The following MSI2 variants were observed in gnomAD, a reference collection of about 807,000 sequenced individuals.
MSI2 encodes the protein RNA-binding protein Musashi homolog 2.
MSI2 carries 17 observed loss-of-function variants against 45.6 expected under a neutral mutation model. That is an observed-to-expected ratio of 0.37 (90% confidence interval 0.26 to 0.56). The LOEUF (loss-of-function observed/expected upper bound fraction) is 0.56. Ranked by LOEUF, MSI2 falls within the 20% of genes least tolerant of loss-of-function variation. The pLI is 0.77. For missense variants in MSI2, 293 were observed against 444.2 expected (o/e 0.66, Z 3.06); for synonymous variants, 156 against 158.2 (o/e 0.99, Z 0.11).
chr17:57,695,500 G>A, the MSI2 span, among the ~76,000 whole-genome samples: 1 of 152,212 alleles, frequency 6.6e-6, no homozygotes, highest in African/African-American at 2.4e-5. Flanking sequence ...GCCCGATGCA[G>A]TGAGACAAAG....
At position 57,256,680 on chromosome 17, in the gene MSI2, C is replaced by T; in HGVS notation, c.-63C>T. 2 of 740,216 alleles carry T rather than the reference C, an allele frequency of 2.7e-6. No individual in the cohort carries two copies. The highest frequency in any genetic ancestry group is 1.9e-6 in the Non-Finnish European group (1 of 535,894). The allele number at this position is 740,216 out of a possible 1,614,324, so 45.9% of individuals were successfully genotyped here. On this transcript the variant is annotated 5_prime_UTR_variant, in exon 1 of 14. Coordinates refer to ENST00000284073, the MANE Select transcript of MSI2 (RefSeq NM_138962.4). Reference sequence around the variant, plus strand: ...GATCTCGGGGCTCGGAGCCGGCCGCCGCTCCGCTCCGATCGCTGTGGGGCT... The same window carrying T: ...GATCTCGGGGCTCGGAGCCGGCCGCTGCTCCGCTCCGATCGCTGTGGGGCT...
chr17:57,536,085 T>C (rs2086913759), intron 7 of MSI2, among the ~76,000 whole-genome samples: 1 of 62,312 alleles, frequency 1.6e-5, no homozygotes, highest in Admixed American at 2.0e-4. Context: ...TATTGGTGTC[T>C]ATTACTCAAA....
Position 57,682,913 on chromosome 17 carries a change from G to A in MSI2, c.*3396G>A, listed in dbSNP as rs1913704142. ...CCCATTCCCGGTCCTAGCTGGGCAT[G>A]GGGCTGACGGAGATGACCAAGCCTT... On this transcript the variant is annotated 3_prime_UTR_variant, in exon 14 of 14. Transcript: ENST00000284073. 1 of 226,924 alleles carries A rather than the reference G, an allele frequency of 4.4e-6. No individual in the cohort carries two copies. The highest frequency in any genetic ancestry group is 2.2e-5 in the African/African-American group (1 of 45,096). 14.1% of individuals were successfully genotyped at this position (226,924 alleles called of 1,614,324 possible).
chr17:57,316,651 T>G (rs1430898192), intron 5 of MSI2, among the ~76,000 whole-genome samples: 2 of 152,166 alleles, frequency 1.3e-5, no homozygotes, highest in Non-Finnish European at 2.9e-5. Context: ...GTTTGGAAAA[T>G]CCTGTGCTTT....
At chr17:57,309,452 C>T (rs970769146) in intron 5 of MSI2, among the ~76,000 whole-genome samples, 11 of 152,256 alleles carry the variant, frequency 7.2e-5, no homozygotes, top group Admixed American at 4.6e-4. Flanking sequence ...TGGCTTTAAT[C>T]GTCTGTTGGC....
intron 7 of MSI2, among the ~76,000 whole-genome samples, chr17:57,572,793 G>A (rs1461622646): frequency 6.6e-6 from 1 of 152,194 alleles, no homozygotes; most frequent in Admixed American, 6.5e-5. Flanking sequence ...CCACATTTGG[G>A]TAGCACCTGC....
rs377043098 is a variant in MSI2, at chr17:57,529,754, G to A, written c.454+30G>A. ...GATTACCCCAGTGTAAGAGGGTTGC[G>A]TTCACCCTCTCCTGGCCTCTCTGTC... On this transcript the variant is annotated intron_variant, in intron 7 of 13. Coordinates refer to ENST00000284073, the MANE Select transcript of MSI2 (RefSeq NM_138962.4). This position sits in a 1 kb window ranked among gnomAD's most constrained non-coding sequence, Gnocchi z 5.3. 129 of 1,585,294 alleles carry A rather than the reference G, an allele frequency of 8.1e-5. No individual in the cohort carries two copies. The Middle Eastern group carries it at 8.4e-4, about 10-fold the overall frequency.
chr17:57,286,134 A>C, intron 5 of MSI2: 17 of 603,156 alleles, frequency 2.8e-5, no homozygotes, highest in Non-Finnish European at 4.3e-5. Context: ...TCCTTATCTC[A>C]TTTTTGGGAT....
chr17:57,650,849 C>A (rs1304317447), intron 10 of MSI2, among the ~76,000 whole-genome samples: 2 of 152,134 alleles, frequency 1.3e-5, no homozygotes, highest in African/African-American at 2.4e-5. Flanking sequence ...GCTTTCTTCC[C>A]TCCTCTGCTC....
chr17:57,691,288 G>A, the MSI2 span, among the ~76,000 whole-genome samples: 2 of 151,118 alleles, frequency 1.3e-5, no homozygotes, highest in East Asian at 1.9e-4. Flanking sequence ...ACTAAGTATT[G>A]CGATCAGGTA....
chr17:57,644,695 C>T (rs921849732), intron 10 of MSI2, among the ~76,000 whole-genome samples: 1 of 152,170 alleles, frequency 6.6e-6, no homozygotes, highest in Non-Finnish European at 1.5e-5. Flanking sequence ...TGGGGAGATG[C>T]AAGCATGCTG....
At chr17:57,389,793 G>A (rs1376222872) in intron 5 of MSI2, among the ~76,000 whole-genome samples, 1 of 152,204 alleles carries the variant, frequency 6.6e-6, no homozygotes, top group Non-Finnish European at 1.5e-5. Flanking sequence ...CAGCAGCTCT[G>A]TGACATATAG....
chr17:57,350,609 C>T (rs1194582091), intron 5 of MSI2, among the ~76,000 whole-genome samples: 2 of 152,174 alleles, frequency 1.3e-5, no homozygotes, highest in Non-Finnish European at 2.9e-5. Flanking sequence ...GTGCCCTGAT[C>T]ACACTGGCTG....
chr17:57,661,443 T>C (rs1239958551), intron 11 of MSI2, among the ~76,000 whole-genome samples: 1 of 152,134 alleles, frequency 6.6e-6, no homozygotes. Context: ...GAAAGCCATG[T>C]TGATATAGTC....
At chr17:57,612,727 T>G in intron 8 of MSI2, among the ~76,000 whole-genome samples, 1 of 152,206 alleles carries the variant, frequency 6.6e-6, no homozygotes. Context: ...CAGTTAACCT[T>G]TATGTTCCCT....
At chr17:57,655,832 C>G (rs1911550353) in intron 11 of MSI2, among the ~76,000 whole-genome samples, 1 of 152,206 alleles carries the variant, frequency 6.6e-6, no homozygotes, top group African/African-American at 2.4e-5. Flanking sequence ...TCAGATGAAA[C>G]AGTTCAAGAA....
chr17:57,632,062 A>G (rs1909426830), intron 10 of MSI2: 1 of 1,329,650 alleles, frequency 7.5e-7, no homozygotes, highest in Non-Finnish European at 9.6e-7. Flanking sequence ...TGCTTCTTGT[A>G]TGCATTGTGA....
chr17:57,289,673 G>T (rs1280844502), intron 5 of MSI2, among the ~76,000 whole-genome samples: 1 of 152,186 alleles, frequency 6.6e-6, no homozygotes, highest in Non-Finnish European at 1.5e-5. Context: ...TTGTAAAAAA[G>T]TCACTTGTGT....
chr17:57,408,288 G>A (rs2084121388), intron 6 of MSI2, among the ~76,000 whole-genome samples: 1 of 152,180 alleles, frequency 6.6e-6, no homozygotes, highest in African/African-American at 2.4e-5. Context: ...GTTAGGCAAA[G>A]GCATCAGACA....
Sources: allele counts gnomAD v4.1 joint callset (sites outside exome capture counted in the v4.1 genomes callset), GRCh38; gene constraint gnomAD v4.1.1; non-coding constraint Gnocchi (gnomAD v3.1); transcripts MANE v1.5; gene names NCBI Gene and HGNC (gene_info 2026-07-23, HGNC 2026-07-21).